Variants in LSS observed in about 807,000 individuals in gnomAD.
LSS encodes 2,3-epoxysqualene-lanosterol cyclase.
In LSS, 90 loss-of-function variants were observed where a neutral mutation model predicts 110.3. The observed-to-expected ratio is 0.82, with a 90% CI of 0.69 to 0.97. The LOEUF (loss-of-function observed/expected upper bound fraction) is 0.97. LSS is among the 50% of genes least tolerant of loss of function. The pLI, the probability that LSS is intolerant of heterozygous loss-of-function variation, is 0.00. For synonymous variants in LSS, 433 were observed against 400.0 expected, an observed-to-expected ratio of 1.08 and a Z score of -0.98; for missense variants, 927 against 990.0, an observed-to-expected ratio of 0.94 and a Z score of 0.85.
At position 46,216,357 on chromosome 21, in the gene LSS, G is replaced by C. The variant is rs747393098; in HGVS notation, c.783+32C>G. 3.7e-6 allele frequency: 6 copies of C among 1,612,942 alleles called. No individual in the cohort carries two copies. In the Admixed American group the frequency reaches 1.0e-4, roughly 27 times the overall value. ...AGGCCCTGTGGGTCCCAGCCCCAGAGGCCTTCACTTTGTTCCCTGATGAGG... is the reference window on the plus strand; with the variant it reads ...AGGCCCTGTGGGTCCCAGCCCCAGACGCCTTCACTTTGTTCCCTGATGAGG... On this transcript the variant is annotated intron_variant, in intron 7 of 21. Transcript: ENST00000397728. This position sits in a 1 kb window ranked among gnomAD's most constrained non-coding sequence, Gnocchi z 4.2.
intron 3 of LSS, among the ~76,000 whole-genome samples, chr21:46,225,669 A>C (rs995148006): frequency 2.0e-5 from 3 of 152,190 alleles, no homozygotes; most frequent in Non-Finnish European, 2.9e-5. Flanking sequence ...TGAAAGTACT[A>C]AAAGTCTCTG....
At chr21:46,194,401 T>C (rs1290422343) in intron 20 of LSS, 90 bp downstream of exon 20, 67 of 1,492,642 alleles carry the variant, frequency 4.5e-5, no homozygotes, top group Non-Finnish European at 5.8e-5. Context: ...CCCTCCTCTC[T>C]ACATTCACTC....
At position 46,216,347 on chromosome 21, in the gene LSS, C is replaced by T. The variant is rs755030011; in HGVS notation, c.783+42G>A. 1.9e-6 allele frequency: 3 copies of T among 1,612,324 alleles called. No individual in the cohort carries two copies. The highest frequency in any genetic ancestry group is 2.2e-5 in the East Asian group (1 of 44,884). On this transcript the variant is annotated intron_variant, in intron 7 of 21. Coordinates refer to ENST00000397728, the MANE Select transcript of LSS (RefSeq NM_002340.6). The surrounding 1 kb of genome is among the most constrained non-coding windows in gnomAD (Gnocchi z 4.2). ...CAGAAGCCCCAGGCCCTGTGGGTCCCAGCCCCAGAGGCCTTCACTTTGTTC... is the reference window on the plus strand; with the variant it reads ...CAGAAGCCCCAGGCCCTGTGGGTCCTAGCCCCAGAGGCCTTCACTTTGTTC...
At chr21:46,214,041 G>C (rs993623683) in intron 9 of LSS, among the ~76,000 whole-genome samples, 9 of 152,240 alleles carry the variant, frequency 5.9e-5, no homozygotes, top group Admixed American at 1.3e-4. Context: ...CTCAGACAGA[G>C]GCAGTGTCGG....
At position 46,205,923 on chromosome 21, in the gene LSS, T is replaced by C; in HGVS notation, c.1583A>G (p.Tyr528Cys). The C allele has an allele frequency of 6.2e-7, 1 of 1,608,878 alleles. No homozygotes were observed. The highest frequency in any genetic ancestry group is 8.5e-7 in the Non-Finnish European group (1 of 1,177,536). ...GGCTGAGGTGCACTCCACATAGGTG[T>C]AGTCAATCATGATGTCCCCTGGGAA... ...SEVFGDIMID[Y>C]TYVECTSAVM... is the part of the protein sequence containing the mutation. Residue 528 changes from tyrosine (Y) to cysteine (C), a missense_variant, in exon 17 of 22, where the codon TAC (tyrosine) becomes TGC (cysteine). Tyr to Cys is a radical substitution (Grantham distance 194). Transcript: ENST00000397728.
chr21:46,198,341 G>A lies in LSS; in HGVS notation c.1671-2074C>T, dbSNP rs549759299. Among the ~76,000 whole-genome samples the A allele has an allele frequency of 3.3e-5, 5 of 150,590 alleles. No homozygotes were observed. The East Asian group carries it at 5.8e-4, about 18-fold the overall frequency. ...TAGATTTTGACATTTAAAACACAAC[G>A]CCATTTACATTAGCACCAAAAAAAT... is the stretch of plus-strand genomic sequence containing the variant. On this transcript the variant is annotated intron_variant, in intron 17 of 21. Coordinates refer to ENST00000397728, the MANE Select transcript of LSS (RefSeq NM_002340.6).
chr21:46,207,526 T>C lies in LSS; in HGVS notation c.1369A>G (p.Thr457Ala), dbSNP rs1296663384. The C allele has an allele frequency of 1.2e-6, 2 of 1,612,038 alleles. No homozygotes were observed. Among genetic ancestry groups the C allele is most frequent in the Non-Finnish European group, 1.7e-6 (2 of 1,179,364 alleles). The change falls in exon 15 of 22, where the codon ACG becomes GCG. Residue 457 changes from threonine to alanine, a missense_variant. Thr to Ala is a moderately conservative substitution (Grantham distance 58). Coordinates refer to ENST00000397728, the MANE Select transcript of LSS (RefSeq NM_002340.6). ...AGCACAGCCTTCAAGGCCTCAGCCGTGCAGTCAGAAACGATCCAGCCGCAG... is the reference window on the plus strand; with the variant it reads ...AGCACAGCCTTCAAGGCCTCAGCCGCGCAGTCAGAAACGATCCAGCCGCAG... ...LDCGWIVSDC[T>A]AEALKAVLLL... is the part of the protein sequence containing the mutation.
intron 12 of LSS, 52 bp downstream of exon 12, chr21:46,210,636 C>G (rs2839146): frequency 6.3e-7 from 1 of 1,578,698 alleles, no homozygotes; most frequent in Non-Finnish European, 8.7e-7. Context: ...TGCGTGGGCT[C>G]ACGTGCACAG....
chr21:46,213,176 G>C (rs1367435345), intron 10 of LSS, 124 bp from the exon 11 acceptor site: 1 of 876,566 alleles, frequency 1.1e-6, no homozygotes, highest in African/African-American at 1.7e-5. Flanking sequence ...CCTGGCACTG[G>C]CCTGGATGCC....
rs1247396978 is a variant in LSS at position 46,216,955 on chromosome 21, AGAAACTTTAG to A, written c.648-441_648-432del. ...AAGTTTACTTTTAAAAGTGTATTTA[AGAAACTTTAG>A]GAGGGGCACGGTGGCTCACGCCTGT... On this transcript the variant is annotated intron_variant, in intron 6 of 21. Transcript: ENST00000397728. This position sits in a 1 kb window ranked among gnomAD's most constrained non-coding sequence, Gnocchi z 4.2. Among the ~76,000 whole-genome samples, 9 of 152,172 alleles carry A rather than the reference AGAAACTTTAG, an allele frequency of 5.9e-5. No individual in the cohort carries two copies. The highest frequency in any genetic ancestry group is 1.2e-4 in the Non-Finnish European group (8 of 68,026).
intron 17 of LSS, 158 bp from the exon 18 acceptor site, chr21:46,196,425 A>C: frequency 1.6e-6 from 1 of 633,428 alleles, no homozygotes; most frequent in South Asian, 1.9e-5. Flanking sequence ...TTTTAAAAAG[A>C]AGCAACCACA....
rs772449983 is a variant in LSS at position 46,191,154 on chromosome 21, C to T, written c.2149G>A (p.Gly717Ser). ...YRNIFPIWAL[G>S]RFSQLYPERA... is the part of the protein sequence containing the mutation. ...TCAGGGTACAGCTGGGAGAAGCGGC[C>T]GAGGGCCCAGATGGGGAAGATGTTC... The change falls in exon 22 of 22, where the codon GGC (glycine) becomes AGC (serine). Residue 717 changes from glycine to serine, a missense_variant. Coordinates refer to ENST00000397728, the MANE Select transcript of LSS (RefSeq NM_002340.6). 1.3e-5 allele frequency: 21 copies of T among 1,613,826 alleles called. No individual in the cohort carries two copies. Among genetic ancestry groups the T allele is most frequent in the Middle Eastern group, 1.6e-4 (1 of 6,084 alleles).
chr21:46,222,749 G>C lies in LSS; in HGVS notation c.320-11C>G. The C allele has an allele frequency of 6.2e-7, 1 of 1,606,438 alleles. No homozygotes were observed. Among genetic ancestry groups the C allele is most frequent in the Non-Finnish European group, 8.5e-7 (1 of 1,173,916 alleles). The stretch of plus-strand genomic sequence containing the variant: ...AAGTGATCAGGAGGCCTGTGTGGCA[G>C]GAGAGATGTTCCTCACTGGGGACAG... On this transcript the variant is annotated splice_polypyrimidine_tract_variant and intron_variant, in intron 3 of 21. Coordinates refer to ENST00000397728, the MANE Select transcript of LSS (RefSeq NM_002340.6).
intron 17 of LSS, among the ~76,000 whole-genome samples, chr21:46,202,908 T>C (rs1446965840): frequency 6.6e-6 from 1 of 152,192 alleles, no homozygotes; most frequent in Non-Finnish European, 1.5e-5. Flanking sequence ...ATGTTCTAGC[T>C]TGGAAGTCAC....
At chr21:46,192,001 C>T in intron 20 of LSS, 42 bp from the exon 21 acceptor site, 1 of 1,398,990 alleles carries the variant, frequency 7.1e-7, no homozygotes, top group South Asian at 1.2e-5. Context: ...CATGCATGCC[C>T]CCACAGCATC....
intron 3 of LSS, among the ~76,000 whole-genome samples, chr21:46,223,583 A>G (rs936158646): frequency 3.9e-5 from 6 of 152,246 alleles, no homozygotes; most frequent in Non-Finnish European, 8.8e-5. Flanking sequence ...ATATAAAACA[A>G]GAATAGTTAT....
intron 3 of LSS, among the ~76,000 whole-genome samples, chr21:46,226,717 A>C (rs1211584588): frequency 6.6e-6 from 1 of 152,226 alleles, no homozygotes; most frequent in Non-Finnish European, 1.5e-5. Flanking sequence ...TCCCAAACTA[A>C]CATATAAGCC....
At chr21:46,208,901 G>A (rs556206057) in intron 13 of LSS, among the ~76,000 whole-genome samples, 2 of 152,336 alleles carry the variant, frequency 1.3e-5, no homozygotes, top group African/African-American at 4.8e-5. Flanking sequence ...AAGCCCTGCA[G>A]AACAATGTCC....
chr21:46,192,123 G>T (rs2079825228), intron 20 of LSS, 164 bp from the exon 21 acceptor site: 4 of 645,506 alleles, frequency 6.2e-6, no homozygotes, highest in Non-Finnish European at 5.6e-6. Context: ...CAGCGCCTCG[G>T]GCTCTTGCCA....
Sources: allele counts gnomAD v4.1 joint callset (sites outside exome capture counted in the v4.1 genomes callset), GRCh38; gene constraint gnomAD v4.1.1; non-coding constraint Gnocchi (gnomAD v3.1); transcripts MANE v1.5; gene names NCBI Gene and HGNC (gene_info 2026-07-23, HGNC 2026-07-21).